TRIM28: variants seen among roughly 807,000 people sequenced by gnomAD.
TRIM28 encodes transcription intermediary factor 1-beta.
TRIM28 carries 8 observed loss-of-function variants against 87.4 expected under a neutral mutation model. The ratio of observed to expected loss-of-function variants is 0.09; its 90% confidence interval spans 0.05 to 0.17. The LOEUF (loss-of-function observed/expected upper bound fraction) is 0.17. TRIM28 is among the 10% of genes least tolerant of loss of function. The probability of loss-of-function intolerance (pLI) is 1.00; values close to 1 mark genes in which losing one functional copy is unlikely to be tolerated. For synonymous variants in TRIM28, 601 were observed against 454.3 expected, an observed-to-expected ratio of 1.32 and a Z score of -4.11; for missense variants, 968 against 1,131.8, an observed-to-expected ratio of 0.86 and a Z score of 2.08.
In TRIM28 at chr19:58,545,065, C is replaced by A; in HGVS notation, c.308C>A (p.Ser103Ter). ...GCGGCCCCCGCCGCCGCCAACAGCT[C>A]GGGGGACGGCGGGGCGGCGGGCGAC... The part of the protein sequence containing the change: ...GPAAPAAANS[S>*]GDGGAAGDGT... Residue 103 changes from serine (S) to a stop codon, truncating the protein, a stop_gained, in exon 1 of 17, where the codon TCG becomes TAG. Coordinates refer to ENST00000253024, the MANE Select transcript of TRIM28 (RefSeq NM_005762.3). LOFTEE classifies it high-confidence loss of function. 1 of 1,444,588 alleles carries A rather than the reference C, an allele frequency of 6.9e-7. No individual in the cohort carries two copies. The highest frequency in any genetic ancestry group is 9.0e-7 in the Non-Finnish European group (1 of 1,112,100). 89.5% of individuals were successfully genotyped at this position (1,444,588 alleles called of 1,614,324 possible). A position where few individuals can be genotyped will look rare whatever the true frequency, so the allele number is the denominator to read the frequency against.
chr19:58,547,745 C>T (rs1216343461), intron 5 of TRIM28, 32 bp downstream of exon 5: 2 of 1,613,568 alleles, frequency 1.2e-6, no homozygotes, highest in Non-Finnish European at 8.5e-7. Context: ...GTGGGGGTGG[C>T]CCAGGGCAGC....
Position 58,548,565 on chromosome 19 carries a change from G to A in TRIM28, c.1296G>A (p.Leu432=). The part of the protein sequence containing the change: ...PMAPPRAPGP[L]SKQGSGSSQP... ...CCCCTCCAAGAGCCCCAGGGCCCCT[G>A]AGCAAGCAGGGCTCTGGCAGCAGCC... The change falls in exon 9 of 17, where the codon CTG becomes CTA. Residue 432 remains leucine (L), a synonymous_variant. Transcript: ENST00000253024. 2 of 1,613,568 alleles carry A rather than the reference G, an allele frequency of 1.2e-6. No individual in the cohort carries two copies. The highest frequency in any genetic ancestry group is 1.1e-5 in the South Asian group (1 of 91,032).
At position 58,544,646 on chromosome 19, in the gene TRIM28, C is replaced by A; in HGVS notation, c.-112C>A. On this transcript the variant is annotated 5_prime_UTR_variant, in exon 1 of 17. Coordinates refer to ENST00000253024, the MANE Select transcript of TRIM28 (RefSeq NM_005762.3). ...CAGGAGGCGCGTGGCGGCGCTCGGC[C>A]TCGCGGCGGCGGCGGCGGCAGCGGC... 1 of 359,278 alleles carries A rather than the reference C, an allele frequency of 2.8e-6. No homozygotes were observed. The highest frequency in any genetic ancestry group is 3.9e-6 in the Non-Finnish European group (1 of 259,634). The allele number at this position is 359,278 out of a possible 1,614,324, so 22.3% of individuals were successfully genotyped here.
Position 58,550,127 on chromosome 19 carries a change from T to C in TRIM28, c.2194-20T>C, listed in dbSNP as rs766844414. On this transcript the variant is annotated intron_variant, in intron 15 of 16. Transcript: ENST00000253024. ...GTATATGTGTGTCTTTGTGTGTGTA[T>C]GTGTGATCTCTGCCTGCAGGACCAG... 3.1e-6 allele frequency: 5 copies of C among 1,613,660 alleles called. No homozygotes were observed. In the South Asian group the frequency reaches 3.3e-5, roughly 11 times the overall value.
In TRIM28 at chr19:58,548,417, C is replaced by T; in HGVS notation, c.1216+9C>T. 1 of 1,614,092 alleles carries T rather than the reference C, an allele frequency of 6.2e-7. No homozygotes were observed. The highest frequency in any genetic ancestry group is 8.5e-7 in the Non-Finnish European group (1 of 1,179,978). On this transcript the variant is annotated intron_variant, in intron 8 of 16. Transcript: ENST00000253024. ...GAGTGCCGAGGCCTTTGGTGGGTCC[C>T]CAGCTTTACCTCACTCTGTTATTAC...
At chr19:58,545,359 G>A (rs2053751893) in intron 1 of TRIM28, 66 bp from the exon 2 acceptor site, 1 of 1,307,252 alleles carries the variant, frequency 7.6e-7, no homozygotes, top group Non-Finnish European at 1.1e-6. Flanking sequence ...ACCCAGCAGG[G>A]GAATGGTGGG....
Position 58,544,774 on chromosome 19 carries a change from C to T in TRIM28, c.17C>T (p.Ala6Val). 1.7e-6 allele frequency: 2 copies of T among 1,152,652 alleles called. No homozygotes were observed. The highest frequency in any genetic ancestry group is 4.3e-5 in the East Asian group (1 of 23,174). The allele number at this position is 1,152,652 out of a possible 1,614,324, so 71.4% of individuals were successfully genotyped here. A position where few individuals can be genotyped will look rare whatever the true frequency, so the allele number is the denominator to read the frequency against. MAASA[A>V]AASAAAASAA... is the part of the protein sequence containing the mutation. Reference sequence around the variant, plus strand: ...GGCGTGTGAATGGCGGCCTCCGCGGCGGCAGCCTCGGCAGCAGCGGCCTCG... The same window carrying T: ...GGCGTGTGAATGGCGGCCTCCGCGGTGGCAGCCTCGGCAGCAGCGGCCTCG... Residue 6 changes from alanine (A) to valine (V), a missense_variant, in exon 1 of 17, where the codon GCG (alanine) becomes GTG (valine). By Grantham distance (64) the Ala-to-Val change is moderately conservative. Transcript: ENST00000253024.
rs2053745364 is a variant in TRIM28, at chr19:58,544,827, G to GAGGGCTCCGCTGGCGGCGAAA, written c.73_93dup (p.Gly25_Lys31dup). ...CGCCTCTGGCAGCCCGGGCCCGGGC[G>GAGGGCTCCGCTGGCGGCGAAA]AGGGCTCCGCTGGCGGCGAAAAGCG... On this transcript the variant is annotated inframe_insertion, in exon 1 of 17. Coordinates refer to ENST00000253024, the MANE Select transcript of TRIM28 (RefSeq NM_005762.3). 3.9e-6 allele frequency: 5 copies of GAGGGCTCCGCTGGCGGCGAAA among 1,269,058 alleles called. No homozygotes were observed. In the Admixed American group the frequency reaches 2.0e-4, roughly 50 times the overall value. The allele number at this position is 1,269,058 out of a possible 1,614,324, so 78.6% of individuals were successfully genotyped here.
chr19:58,544,729 C>T lies in TRIM28; in HGVS notation c.-29C>T, dbSNP rs1386573507. 14 of 1,023,754 alleles carry T rather than the reference C, an allele frequency of 1.4e-5. No homozygotes were observed. The highest frequency in any genetic ancestry group is 4.5e-5 in the South Asian group (1 of 22,396). The allele number at this position is 1,023,754 out of a possible 1,614,324, so 63.4% of individuals were successfully genotyped here. On this transcript the variant is annotated 5_prime_UTR_variant, in exon 1 of 17. Transcript: ENST00000253024. ...CGCGGCGGGCCCCGCGCCCCTCCTC[C>T]CCCCCTGGGCGCCCCCGGCGGCGTG...
At chr19:58,545,650 G>C in intron 2 of TRIM28, 113 bp downstream of exon 2, 1 of 1,518,884 alleles carries the variant, frequency 6.6e-7, no homozygotes, top group Non-Finnish European at 9.0e-7. Context: ...CTCTGGGTGG[G>C]CTGCCTAGGT....
chr19:58,545,220 C>G (rs1049285340), intron 1 of TRIM28, 123 bp downstream of exon 1: 1 of 999,794 alleles, frequency 1.0e-6, no homozygotes, highest in Admixed American at 3.1e-5. Flanking sequence ...ACGGGAAATA[C>G]TTTCTGGGTC....
At chr19:58,547,346 A>G (rs368132235) in intron 3 of TRIM28, 30 bp from the exon 4 acceptor site, 16 of 1,603,414 alleles carry the variant, frequency 1.0e-5, no homozygotes, top group Admixed American at 3.3e-5. Context: ...GTGAAGGGCA[A>G]GGTCCAGCCT....
Position 58,550,466 on chromosome 19 carries a change from T to C in TRIM28, c.2421T>C (p.Ala807=). Reference sequence around the variant, plus strand: ...CCTTCGGTGACACCAAGTTCTCTGCTGTGCTGGTGGAGCCCCCGCCGATGA... The same window carrying C: ...CCTTCGGTGACACCAAGTTCTCTGCCGTGCTGGTGGAGCCCCCGCCGATGA... The part of the protein sequence containing the change: ...NEAFGDTKFS[A]VLVEPPPMSL... Residue 807 remains alanine (A), a synonymous_variant, in exon 17 of 17, where the codon GCT becomes GCC. Transcript: ENST00000253024. 1 of 1,611,948 alleles carries C rather than the reference T, an allele frequency of 6.2e-7. No individual in the cohort carries two copies.
intron 16 of TRIM28, 42 bp from the exon 17 acceptor site, chr19:58,550,335 G>T: frequency 6.2e-7 from 1 of 1,613,160 alleles, no homozygotes; most frequent in South Asian, 1.1e-5. Flanking sequence ...GTGAAGGAAA[G>T]AACTAGGACC....
intron 15 of TRIM28, 21 bp from the exon 16 acceptor site, chr19:58,550,126 A>AT (rs774978700): frequency 2.0e-5 from 32 of 1,613,492 alleles, no homozygotes; most frequent in Non-Finnish European, 1.4e-5. Context: ...TTGTGTGTGT[A>AT]TGTGTGATCT....
Position 58,544,666 on chromosome 19 carries a change from A to C in TRIM28, c.-92A>C. 2.1e-6 allele frequency: 1 copy of C among 465,984 alleles called. No homozygotes were observed. Among genetic ancestry groups the C allele is most frequent in the South Asian group, 8.3e-5 (1 of 12,002 alleles). 28.9% of individuals were successfully genotyped at this position (465,984 alleles called of 1,614,324 possible). A position where few individuals can be genotyped will look rare whatever the true frequency, so the allele number is the denominator to read the frequency against. On this transcript the variant is annotated 5_prime_UTR_variant, in exon 1 of 17. Transcript: ENST00000253024. ...TCGGCCTCGCGGCGGCGGCGGCGGC[A>C]GCGGCCCAGCAGTTGGCGGCGAGCG...
Position 58,548,772 on chromosome 19 carries a change from G to T in TRIM28, c.1356G>T (p.Gly452=), listed in dbSNP as rs773882564. Reference sequence around the variant, plus strand: ...AGGTGCAGGAAGGCTATGGCTTTGGGTCAGGTGAGTGGGTCTGCCTAGTGG... The same window carrying T: ...AGGTGCAGGAAGGCTATGGCTTTGGTTCAGGTGAGTGGGTCTGCCTAGTGG... ...PMEVQEGYGF[G]SGDDPYSSAE... is the part of the protein sequence containing the mutation. Residue 452 remains glycine (G), a synonymous_variant, in exon 10 of 17, where the codon GGG becomes GGT. Transcript: ENST00000253024. 46 of 1,614,006 alleles carry T rather than the reference G, an allele frequency of 2.9e-5. No homozygotes were observed. The highest frequency in any genetic ancestry group is 3.6e-5 in the Non-Finnish European group (43 of 1,180,018).
rs545502140 is a variant in TRIM28, at chr19:58,550,705, C to G, written c.*152C>G. On this transcript the variant is annotated 3_prime_UTR_variant, in exon 17 of 17. Transcript: ENST00000253024. ...TTTACTTCTGTGGATTTAATAAAAA[C>G]TTCACCAGTTCCTCAGGCGTTGGCT... The G allele has an allele frequency of 4.6e-5, 38 of 830,754 alleles. No homozygotes were observed. In the African/African-American group the frequency reaches 6.0e-4, roughly 13 times the overall value. 51.5% of individuals were successfully genotyped at this position (830,754 alleles called of 1,614,324 possible). A position where few individuals can be genotyped will look rare whatever the true frequency, so the allele number is the denominator to read the frequency against.
In TRIM28 at chr19:58,544,794, G is replaced by A. The variant is rs1242981940; in HGVS notation, c.37G>A (p.Ala13Thr). 2 of 1,199,512 alleles carry A rather than the reference G, an allele frequency of 1.7e-6. No homozygotes were observed. Among genetic ancestry groups the A allele is most frequent in the Non-Finnish European group, 2.1e-6 (2 of 967,794 alleles). 74.3% of individuals were successfully genotyped at this position (1,199,512 alleles called of 1,614,324 possible). The change falls in exon 1 of 17, where the codon GCC (alanine) becomes ACC (threonine). Residue 13 changes from alanine (A) to threonine (T), a missense_variant. Around this residue, in one of 11 missense-constraint regions of TRIM28, gnomAD observed 208 missense variants for 170.9 expected, o/e 1.22. Coordinates refer to ENST00000253024, the MANE Select transcript of TRIM28 (RefSeq NM_005762.3). Reference protein sequence around the residue: ...ASAAAASAAAASAASGSPGPG... With the variant: ...ASAAAASAAATSAASGSPGPG... ...CGCGGCGGCAGCCTCGGCAGCAGCGGCCTCGGCCGCCTCTGGCAGCCCGGG... is the reference window on the plus strand; with the variant it reads ...CGCGGCGGCAGCCTCGGCAGCAGCGACCTCGGCCGCCTCTGGCAGCCCGGG...
Sources: allele counts gnomAD v4.1 joint callset, GRCh38; gene constraint gnomAD v4.1.1; regional missense constraint gnomAD v4.1.1; transcripts MANE v1.5; gene names NCBI Gene and HGNC (gene_info 2026-07-23, HGNC 2026-07-21).